SNTG1: variants seen among roughly 807,000 people sequenced by gnomAD.
The protein encoded by SNTG1 is syntrophin gamma 1, also known as gamma-1-syntrophin.
SNTG1 carries 39 observed loss-of-function variants against 74.7 expected under a neutral mutation model. That is an observed-to-expected ratio of 0.52 (90% CI 0.40 to 0.68). The LOEUF (loss-of-function observed/expected upper bound fraction) is 0.68. SNTG1 is among the 30% of genes least tolerant of loss of function. The pLI is 0.00. For missense variants in SNTG1, 685 were observed against 609.5 expected (o/e 1.12, Z -1.30); for synonymous variants, 254 against 217.1 (o/e 1.17, Z -1.49).
At chr8:50,106,740 A>G (rs1309240959) in intron 1 of SNTG1, among the ~76,000 whole-genome samples, 1 of 152,158 alleles carries the variant, frequency 6.6e-6, no homozygotes, top group African/African-American at 2.4e-5. Context: ...TGAGTTTTGC[A>G]AACTTTTCTG....
chr8:50,706,097 A>G (rs908345477), intron 16 of SNTG1, among the ~76,000 whole-genome samples: 9 of 152,214 alleles, frequency 5.9e-5, no homozygotes, highest in Admixed American at 2.6e-4. Flanking sequence ...AAGTTGTACC[A>G]GTATGACATT....
chr8:50,517,842 C>A (rs1277613066), intron 9 of SNTG1, among the ~76,000 whole-genome samples: 1 of 152,018 alleles, frequency 6.6e-6, no homozygotes, highest in Non-Finnish European at 1.5e-5. Flanking sequence ...CTTAGACTCC[C>A]AGACAATAAT....
At chr8:50,118,106 A>T (rs2080884263) in intron 1 of SNTG1, among the ~76,000 whole-genome samples, 1 of 152,172 alleles carries the variant, frequency 6.6e-6, no homozygotes, top group Admixed American at 6.5e-5. Context: ...GATAATAAAA[A>T]ATAAGGCTGC....
chr8:50,293,667 C>T (rs1039554999), intron 2 of SNTG1, among the ~76,000 whole-genome samples: 1 of 152,122 alleles, frequency 6.6e-6, no homozygotes, highest in Non-Finnish European at 1.5e-5. Flanking sequence ...GCCTCGGCCT[C>T]CCAAAGTGCT....
chr8:50,397,085 G>A (rs568719230), intron 3 of SNTG1, among the ~76,000 whole-genome samples: 95 of 152,014 alleles, frequency 6.2e-4, no homozygotes, highest in Non-Finnish European at 1.2e-3. Context: ...ATCTAGAATC[G>A]TCCATCAGTC....
intron 9 of SNTG1, among the ~76,000 whole-genome samples, chr8:50,526,827 T>C (rs2094224159): frequency 6.6e-6 from 1 of 152,030 alleles, no homozygotes; most frequent in Admixed American, 6.6e-5. Flanking sequence ...TTTCACCATG[T>C]TGGCCAGGAT....
At chr8:50,165,425 T>C (rs1475754743) in intron 1 of SNTG1, among the ~76,000 whole-genome samples, 1 of 152,202 alleles carries the variant, frequency 6.6e-6, no homozygotes, top group Non-Finnish European at 1.5e-5. Context: ...TCAAAACGTA[T>C]CCAAAAATTA....
In SNTG1 at chr8:50,727,818, A is replaced by G. The variant is rs190652032; in HGVS notation, c.1284+18840A>G. 9.1e-4 allele frequency among the ~76,000 whole-genome samples: 138 copies of G among 152,336 alleles called. 2 individuals carry two copies. The highest frequency in any genetic ancestry group is 6.8e-3 in the Middle Eastern group (2 of 294). ...TGATTTATTCCCACTGACCATTAAA[A>G]GTGACAATGGCAGCATAAACATTTA... On this transcript the variant is annotated intron_variant, in intron 17 of 18. Transcript: ENST00000642720.
chr8:50,510,126 G>A (rs143294991), intron 9 of SNTG1, among the ~76,000 whole-genome samples: 4,541 of 152,126 alleles, frequency 0.03, 102 homozygotes, highest in Non-Finnish European at 0.046. Flanking sequence ...TAGCATGAAG[G>A]GTTGTTGAAT....
intron 2 of SNTG1, among the ~76,000 whole-genome samples, chr8:50,234,355 G>T (rs999212674): frequency 2.0e-5 from 3 of 151,926 alleles, no homozygotes; most frequent in Non-Finnish European, 4.4e-5. Flanking sequence ...ATGGCAAGCA[G>T]ATTAGTGGAT....
At chr8:50,332,584 T>C (rs561106185) in intron 2 of SNTG1, among the ~76,000 whole-genome samples, 30 of 152,324 alleles carry the variant, frequency 2.0e-4, no homozygotes, top group African/African-American at 7.0e-4. Context: ...GCTTACTTAA[T>C]CACATGATCT....
chr8:50,507,574 G>C (rs181301340), intron 9 of SNTG1, among the ~76,000 whole-genome samples: 6 of 152,046 alleles, frequency 3.9e-5, no homozygotes, highest in African/African-American at 1.4e-4. Context: ...TTTCTAGAAG[G>C]TTATCTATTT....
intron 2 of SNTG1, among the ~76,000 whole-genome samples, chr8:50,272,980 G>C (rs2087867407): frequency 6.6e-6 from 1 of 151,626 alleles, no homozygotes; most frequent in Non-Finnish European, 1.5e-5. Context: ...CTGGCCTCAA[G>C]CAGTCCTCCC....
intron 1 of SNTG1, among the ~76,000 whole-genome samples, chr8:50,047,662 G>A (rs1416062076): frequency 6.6e-6 from 1 of 152,116 alleles, no homozygotes; most frequent in Non-Finnish European, 1.5e-5. Flanking sequence ...GTAAGTATAT[G>A]TAATAGGATA....
chr8:50,691,537 G>A (rs1054999675), intron 15 of SNTG1, among the ~76,000 whole-genome samples: 2 of 152,112 alleles, frequency 1.3e-5, no homozygotes, highest in East Asian at 1.9e-4. Context: ...TGAAATTCTG[G>A]GTTGAAAATT....
intron 8 of SNTG1, among the ~76,000 whole-genome samples, chr8:50,471,106 A>G (rs1166871780): frequency 6.6e-6 from 1 of 152,122 alleles, no homozygotes; most frequent in African/African-American, 2.4e-5. Context: ...TCCTTTAGCT[A>G]GACAGAAAAG....
chr8:49,911,249 C>T (rs1585464561), upstream of SNTG1: 3 of 152,118 alleles, frequency 2.0e-5, no homozygotes, highest in Admixed American at 2.0e-4. Context: ...CCAAAATATT[C>T]CTTTTCATCT....
At chr8:50,195,834 C>A (rs2083748363) in intron 2 of SNTG1, among the ~76,000 whole-genome samples, 1 of 152,076 alleles carries the variant, frequency 6.6e-6, no homozygotes, top group African/African-American at 2.4e-5. Context: ...TCTGTGGGTC[C>A]TCTCAGGGCT....
At chr8:50,462,944 G>A (rs998040737) in intron 8 of SNTG1, among the ~76,000 whole-genome samples, 1 of 150,694 alleles carries the variant, frequency 6.6e-6, no homozygotes, top group East Asian at 2.0e-4. Flanking sequence ...AGCCTCCCAA[G>A]TAGCTCGGAC....
Sources: gnomAD v4.1 joint callset for allele counts (sites outside exome capture counted in the v4.1 genomes callset) on GRCh38, gnomAD v4.1.1 for gene constraint, MANE v1.5 for transcripts, NCBI Gene and HGNC (gene_info 2026-07-23, HGNC 2026-07-21) for gene names.